The following CLSTN2 variants were observed in gnomAD, a reference collection of about 807,000 sequenced individuals.
CLSTN2 encodes the protein calsyntenin-2.
In CLSTN2, 48 loss-of-function variants were observed where a neutral mutation model predicts 101.2. That is an observed-to-expected ratio of 0.47 (90% CI 0.38 to 0.60). The LOEUF is 0.60. Among genes scored for constraint, CLSTN2 ranks in the 20% least tolerant of loss-of-function variants. The pLI, the probability that CLSTN2 is intolerant of heterozygous loss-of-function variation, is 0.00. For missense variants in CLSTN2, 1,160 were observed against 1,238.2 expected, an observed-to-expected ratio of 0.94 and a Z score of 0.95; for synonymous variants, 481 against 463.6, an observed-to-expected ratio of 1.04 and a Z score of -0.48.
chr3:140,229,564 G>A (rs1325678316), intron 2 of CLSTN2, among the ~76,000 whole-genome samples: 1 of 151,650 alleles, frequency 6.6e-6, no homozygotes, highest in Non-Finnish European at 1.5e-5. Context: ...GACAAAGCAC[G>A]AACTGAACTG....
chr3:140,498,008 T>C (rs573154299), intron 8 of CLSTN2, among the ~76,000 whole-genome samples: 1 of 152,210 alleles, frequency 6.6e-6, no homozygotes, highest in Admixed American at 6.5e-5. Flanking sequence ...ATTGGTCGAG[T>C]CTTCCACATA....
At chr3:140,141,641 C>T (rs1204168022) in intron 1 of CLSTN2, among the ~76,000 whole-genome samples, 1 of 152,220 alleles carries the variant, frequency 6.6e-6, no homozygotes, top group East Asian at 1.9e-4. Context: ...GGTTAGTGTC[C>T]ATGCCTAGCA....
intron 2 of CLSTN2, among the ~76,000 whole-genome samples, chr3:140,300,747 T>C (rs2087050221): frequency 6.6e-6 from 1 of 152,134 alleles, no homozygotes; most frequent in South Asian, 2.1e-4. Flanking sequence ...ACAAAGAACT[T>C]ATTTGTAGTA....
chr3:140,384,269 T>C (rs985368796), intron 2 of CLSTN2, among the ~76,000 whole-genome samples: 1 of 152,236 alleles, frequency 6.6e-6, no homozygotes, highest in Non-Finnish European at 1.5e-5. Flanking sequence ...TCATTCCTGC[T>C]CCAGCTGATT....
chr3:140,398,348 A>T (rs1231439559), intron 2 of CLSTN2, among the ~76,000 whole-genome samples: 1 of 152,208 alleles, frequency 6.6e-6, no homozygotes, highest in Non-Finnish European at 1.5e-5. Context: ...GTCATTCTTA[A>T]GTGAAATTGG....
intron 1 of CLSTN2, among the ~76,000 whole-genome samples, chr3:140,148,641 C>T (rs528516525): frequency 6.6e-6 from 1 of 152,278 alleles, no homozygotes; most frequent in South Asian, 2.1e-4. Flanking sequence ...TAGGCTGCTG[C>T]ATTCACTTAT....
intron 1 of CLSTN2, among the ~76,000 whole-genome samples, chr3:140,104,398 G>C (rs1391666580): frequency 6.6e-6 from 1 of 152,192 alleles, no homozygotes; most frequent in Non-Finnish European, 1.5e-5. Flanking sequence ...TGTCAGAAAA[G>C]ACCTAGGGTT....
intron 2 of CLSTN2, among the ~76,000 whole-genome samples, chr3:140,385,452 T>C (rs1387743124): frequency 7.1e-6 from 1 of 140,272 alleles, no homozygotes; most frequent in Middle Eastern, 3.8e-3. Context: ...CGCTGTAAAC[T>C]CCTCCTCCCG....
chr3:140,349,160 A>G (rs868099605), intron 2 of CLSTN2, among the ~76,000 whole-genome samples: 2 of 152,304 alleles, frequency 1.3e-5, no homozygotes, highest in South Asian at 4.1e-4. Context: ...TCCTGCCATC[A>G]TGTGAAGAAG....
chr3:139,979,506 C>T lies in CLSTN2; in HGVS notation c.109+44023C>T, dbSNP rs540648905. Among the ~76,000 whole-genome samples, 10 of 152,168 alleles carry T rather than the reference C, an allele frequency of 6.6e-5. No individual in the cohort carries two copies. In the East Asian group the frequency reaches 1.2e-3, roughly 18 times the overall value. On this transcript the variant is annotated intron_variant, in intron 1 of 16. Coordinates refer to ENST00000458420, the MANE Select transcript of CLSTN2 (RefSeq NM_022131.3). The stretch of plus-strand genomic sequence containing the variant: ...GCCCGCACATCCCTGCGAGATTGCT[C>T]GCCTACATGTCTCAGGCACAGAGGC...
intron 2 of CLSTN2, among the ~76,000 whole-genome samples, chr3:140,294,142 A>G (rs991850668): frequency 1.3e-5 from 2 of 152,170 alleles, no homozygotes; most frequent in African/African-American, 4.8e-5. Context: ...CTATAAAATC[A>G]AAAGTCTTGA....
chr3:140,562,989 AG>A, intron 14 of CLSTN2, 33 bp downstream of exon 14: 1 of 1,612,928 alleles, frequency 6.2e-7, no homozygotes, highest in Non-Finnish European at 8.5e-7. Context: ...AGGGAAGCCA[AG>A]GCTCACCCAT....
intron 2 of CLSTN2, among the ~76,000 whole-genome samples, chr3:140,283,657 T>C (rs1407627978): frequency 6.6e-6 from 1 of 152,174 alleles, no homozygotes; most frequent in East Asian, 1.9e-4. Flanking sequence ...ATTTCCTAAG[T>C]AGTGTTCAGT....
intron 1 of CLSTN2, among the ~76,000 whole-genome samples, chr3:140,074,283 C>T (rs1041599814): frequency 3.3e-5 from 5 of 152,168 alleles, no homozygotes; most frequent in Admixed American, 1.3e-4. Context: ...TAATTCCTCA[C>T]CTTGCCTCCC....
chr3:140,542,928 T>C (rs1439404172), intron 9 of CLSTN2, among the ~76,000 whole-genome samples: 1 of 152,212 alleles, frequency 6.6e-6, no homozygotes, highest in African/African-American at 2.4e-5. Flanking sequence ...GTCCTGTGCA[T>C]GGATGGATGT....
At chr3:140,531,955 C>A (rs1935263057) in intron 8 of CLSTN2, among the ~76,000 whole-genome samples, 1 of 152,076 alleles carries the variant, frequency 6.6e-6, no homozygotes, top group African/African-American at 2.4e-5. Context: ...GATTCCCAGC[C>A]CTGAGACCAG....
intron 2 of CLSTN2, among the ~76,000 whole-genome samples, chr3:140,225,408 T>C (rs2086309114): frequency 6.6e-6 from 1 of 152,230 alleles, no homozygotes; most frequent in African/African-American, 2.4e-5. Context: ...GCCCATGTCT[T>C]ATTACAGAGA....
chr3:140,353,242 CATAT>C (rs34831776), intron 2 of CLSTN2, among the ~76,000 whole-genome samples: 63,950 of 146,670 alleles, frequency 0.44, 14,503 homozygotes, highest in Non-Finnish European at 0.53. Context: ...TATGTTTACA[CATAT>C]ATATATATAT....
intron 1 of CLSTN2, among the ~76,000 whole-genome samples, chr3:140,061,948 G>A (rs527934299): frequency 1.5e-4 from 23 of 152,332 alleles, no homozygotes; most frequent in African/African-American, 5.5e-4. Context: ...TGTTTTTGCA[G>A]AAGCTTCCTT....
Sources: allele counts gnomAD v4.1 joint callset (sites outside exome capture counted in the v4.1 genomes callset), GRCh38; gene constraint gnomAD v4.1.1; transcripts MANE v1.5; gene names NCBI Gene and HGNC (gene_info 2026-07-23, HGNC 2026-07-21).